Variants in GPM6B observed in about 807,000 individuals in gnomAD.
GPM6B encodes the protein neuronal membrane glycoprotein M6-b.
In GPM6B, 4 loss-of-function variants were observed where a neutral mutation model predicts 27.2. The ratio of observed to expected loss-of-function variants is 0.15; its 90% CI spans 0.07 to 0.34. The LOEUF (loss-of-function observed/expected upper bound fraction) is 0.34, where lower values mean the gene tolerates loss of function less well. Ranked by LOEUF, GPM6B falls within the 10% of genes least tolerant of loss-of-function variation. GPM6B has a pLI of 1.00. For missense variants in GPM6B, 183 were observed against 261.9 expected (o/e 0.70, Z 2.08); for synonymous variants, 124 against 103.1 (o/e 1.20, Z -1.23).
At chrX:13,846,418 T>C (rs893390877) in intron 1 of GPM6B, among the ~76,000 whole-genome samples, 1 of 112,089 alleles carries the variant, frequency 8.9e-6, no homozygotes, top group Non-Finnish European at 1.9e-5. Context: ...CTTATCTATA[T>C]AGAGAAGTGT....
intron 1 of GPM6B, among the ~76,000 whole-genome samples, chrX:13,859,228 T>C (rs1214160937): frequency 8.9e-6 from 1 of 112,167 alleles, no homozygotes; most frequent in African/African-American, 3.2e-5. Flanking sequence ...TCCTAGTACC[T>C]TTCTGCAGCT....
At chrX:13,810,797 G>A (rs994551100) in intron 1 of GPM6B, among the ~76,000 whole-genome samples, 4 of 108,123 alleles carry the variant, frequency 3.7e-5, no homozygotes, top group East Asian at 2.9e-4. Context: ...CGATGGGATC[G>A]GCAACTGGAT....
intron 1 of GPM6B, among the ~76,000 whole-genome samples, chrX:13,893,409 T>C (rs1188603126): frequency 3.2e-5 from 2 of 61,903 alleles, no homozygotes; most frequent in African/African-American, 2.1e-4. Context: ...ACACTGAATC[T>C]ACAAAAAAAA....
At chrX:13,912,579 C>T (rs1444384620) in intron 1 of GPM6B, among the ~76,000 whole-genome samples, 3 of 88,437 alleles carry the variant, frequency 3.4e-5, no homozygotes, top group South Asian at 5.3e-4. Context: ...GGAAAAAGGT[C>T]AGTATTTTTT....
intron 1 of GPM6B, among the ~76,000 whole-genome samples, chrX:13,831,570 GAC>G (rs1241250689): frequency 4.3e-4 from 48 of 111,221 alleles, no homozygotes; most frequent in Non-Finnish European, 4.9e-4. Flanking sequence ...GCCATCCTCT[GAC>G]TGTACAGGTC....
intron 1 of GPM6B, among the ~76,000 whole-genome samples, chrX:13,922,525 G>A (rs773420751): frequency 2.7e-5 from 3 of 112,114 alleles, no homozygotes; most frequent in South Asian, 3.7e-4. Context: ...ACTGCCAGGC[G>A]GAAAGCCCAA....
chrX:13,887,016 G>A (rs1284437022), intron 1 of GPM6B, among the ~76,000 whole-genome samples: 3 of 111,449 alleles, frequency 2.7e-5, no homozygotes, highest in African/African-American at 6.5e-5. Flanking sequence ...GTAGGGTTTT[G>A]CCATGTTGGC....
At chrX:13,876,838 G>A (rs1307049941) in intron 1 of GPM6B, among the ~76,000 whole-genome samples, 2 of 110,416 alleles carry the variant, frequency 1.8e-5, no homozygotes, top group East Asian at 2.8e-4. Context: ...CAACGTCTGA[G>A]GTGACATCAT....
chrX:13,931,197 AAACAAC>A (rs35581266), intron 1 of GPM6B, among the ~76,000 whole-genome samples: 2 of 106,427 alleles, frequency 1.9e-5, no homozygotes, highest in African/African-American at 6.9e-5. Flanking sequence ...AACAAAAACA[AAACAAC>A]AACAACAACA....
intron 7 of GPM6B, chrX:13,774,354 C>T: frequency 2.0e-6 from 2 of 1,007,776 alleles, no homozygotes; most frequent in Non-Finnish European, 2.5e-6. Flanking sequence ...TGGAAATAGC[C>T]ACCAGATCTC....
chrX:13,803,655 G>A (rs1396307450), intron 2 of GPM6B, among the ~76,000 whole-genome samples: 1 of 111,910 alleles, frequency 8.9e-6, no homozygotes, highest in Admixed American at 9.4e-5. Flanking sequence ...ATTTAGTCAC[G>A]GCATCTTGCA....
chrX:13,861,132 AT>A (rs2049846510), intron 1 of GPM6B, among the ~76,000 whole-genome samples: 1 of 87,618 alleles, frequency 1.1e-5, no homozygotes, highest in East Asian at 4.0e-4. Flanking sequence ...ACATACATAT[AT>A]ATATAATATA....
chrX:13,830,657 G>A (rs1315036006), intron 1 of GPM6B, among the ~76,000 whole-genome samples: 1 of 112,431 alleles, frequency 8.9e-6, no homozygotes, highest in Non-Finnish European at 1.9e-5. Context: ...ATGGCAAATG[G>A]TCTTAAACTT....
chrX:13,905,239 AAAAAAAAG>A (rs1452983463), intron 1 of GPM6B, among the ~76,000 whole-genome samples: 11 of 107,474 alleles, frequency 1.0e-4, no homozygotes, highest in African/African-American at 3.1e-4. Context: ...TCAAAAAAAA[AAAAAAAAG>A]AAAAGAAAAG....
chrX:13,790,228 T>C (rs752010218), intron 2 of GPM6B, among the ~76,000 whole-genome samples: 1 of 112,002 alleles, frequency 8.9e-6, no homozygotes, highest in African/African-American at 3.2e-5. Flanking sequence ...TGAAGGGATA[T>C]ATGGATCTGT....
At chrX:13,773,159 A>ACTAGCAGAGCTGTCAGATCC in intron 7 of GPM6B, 129 bp from the exon 8 acceptor site, 1 of 501,636 alleles carries the variant, frequency 2.0e-6, no homozygotes, top group Non-Finnish European at 3.2e-6. Context: ...TACTCGCTCT[A>ACTAGCAGAGCTGTCAGATCC]CTAGCAGAGC....
chrX:13,898,076 GGA>G (rs2050249098), intron 1 of GPM6B, among the ~76,000 whole-genome samples: 1 of 111,745 alleles, frequency 8.9e-6, no homozygotes, highest in African/African-American at 3.3e-5. Flanking sequence ...CTCTTGCCAA[GGA>G]GAGAGGGTAT....
In GPM6B at chrX:13,797,661, A is replaced by G. The variant is rs759598533; in HGVS notation, c.181+9989T>C. 2.7e-5 allele frequency among the ~76,000 whole-genome samples: 3 copies of G among 111,229 alleles called. No individual in the cohort carries two copies. The South Asian group carries it at 1.2e-3, about 43-fold the overall frequency. ...TTTGTGAGCAGGCGAGGCGTGACTC[A>G]GGATGTGCTTTTAAGAGATGAATCT... On this transcript the variant is annotated intron_variant, in intron 2 of 7. Coordinates refer to ENST00000316715, the MANE Select transcript of GPM6B (RefSeq NM_001001995.3).
chrX:13,829,252 A>G (rs1023387406), intron 1 of GPM6B, among the ~76,000 whole-genome samples: 14 of 111,489 alleles, frequency 1.3e-4, no homozygotes, highest in Non-Finnish European at 1.7e-4. Context: ...CATCCCTGCC[A>G]GCCCCACTCC....
Sources: allele counts gnomAD v4.1 joint callset (sites outside exome capture counted in the v4.1 genomes callset), GRCh38; gene constraint gnomAD v4.1.1; transcripts MANE v1.5; gene names NCBI Gene and HGNC (gene_info 2026-07-23, HGNC 2026-07-21).